CLPB: variants seen among roughly 807,000 people sequenced by gnomAD.
CLPB encodes mitochondrial disaggregase.
A neutral mutation model predicts 78.4 loss-of-function variants in CLPB; 40 were observed. The ratio of observed to expected loss-of-function variants is 0.51; its 90% CI spans 0.40 to 0.66. The LOEUF (loss-of-function observed/expected upper bound fraction) is 0.66, where lower values mean the gene tolerates loss of function less well. Among genes scored for constraint, CLPB ranks in the 30% least tolerant of loss-of-function variants. CLPB has a pLI of 0.00. For synonymous variants in CLPB, 333 were observed against 348.0 expected (o/e 0.96, Z 0.48); for missense variants, 780 against 886.9 (o/e 0.88, Z 1.53).
chr11:72,297,638 TG>T (rs1382363545), intron 11 of CLPB, among the ~76,000 whole-genome samples: 11 of 18,768 alleles, frequency 5.9e-4, no homozygotes, highest in Admixed American at 4.1e-3. Flanking sequence ...GGGGACCAGG[TG>T]TGTGTGTGTG....
chr11:72,298,410 C>T (rs1949596111), intron 11 of CLPB, among the ~76,000 whole-genome samples: 1 of 152,222 alleles, frequency 6.6e-6, no homozygotes, highest in South Asian at 2.1e-4. Flanking sequence ...TTGGTCACGC[C>T]AAGGCCAGGG....
rs1419294141 is a variant in CLPB, at chr11:72,345,970, A to C, written c.775+12910T>G. On this transcript the variant is annotated intron_variant, in intron 5 of 15. Coordinates refer to ENST00000538039, the MANE Select transcript of CLPB (RefSeq NM_001258392.3). The stretch of plus-strand genomic sequence containing the variant: ...GTATTATAGGATTGAGCAAATGAGT[A>C]AATAAATAAATGTATCAACGTTATT... 2.6e-5 allele frequency among the ~76,000 whole-genome samples: 4 copies of C among 152,220 alleles called. No individual in the cohort carries two copies. The East Asian group carries it at 7.7e-4, about 29-fold the overall frequency.
At chr11:72,328,643 A>G (rs746473701) in intron 6 of CLPB, among the ~76,000 whole-genome samples, 6 of 152,238 alleles carry the variant, frequency 3.9e-5, no homozygotes, top group Non-Finnish European at 8.8e-5. Context: ...AAGGTACTTC[A>G]GCCAATTTGT....
chr11:72,319,952 C>G (rs951386754), intron 6 of CLPB, among the ~76,000 whole-genome samples: 8 of 152,322 alleles, frequency 5.3e-5, no homozygotes, highest in Admixed American at 5.2e-4. Flanking sequence ...AAGAGTTACC[C>G]TGGCTCAAGC....
Position 72,414,760 on chromosome 11 carries a change from T to C in CLPB, c.456-11708A>G, listed in dbSNP as rs140547265. 2.2e-3 allele frequency among the ~76,000 whole-genome samples: 337 copies of C among 152,290 alleles called. 2 individuals are homozygous for C. The highest frequency in any genetic ancestry group is 7.7e-3 in the African/African-American group (319 of 41,548). ...GGTGCTCAGAGATGTTTACACAGGC[T>C]CAGGGAGCACAACTCACCGCCTTGC... On this transcript the variant is annotated intron_variant, in intron 2 of 15. Transcript: ENST00000538039.
intron 5 of CLPB, among the ~76,000 whole-genome samples, chr11:72,334,686 C>T (rs752708006): frequency 2.6e-5 from 4 of 152,230 alleles, no homozygotes; most frequent in East Asian, 1.9e-4. Flanking sequence ...AGGGCCCCTT[C>T]GGGCCAAGCA....
At chr11:72,426,790 T>C (rs557163411) in intron 2 of CLPB, among the ~76,000 whole-genome samples, 5 of 152,286 alleles carry the variant, frequency 3.3e-5, no homozygotes, top group South Asian at 2.1e-4. Context: ...CAGTTTCAGA[T>C]GAAATATAGC....
At chr11:72,362,124 C>T (rs1387669111) in intron 4 of CLPB, among the ~76,000 whole-genome samples, 2 of 152,306 alleles carry the variant, frequency 1.3e-5, no homozygotes, top group East Asian at 1.9e-4. Context: ...AAATACTATT[C>T]GACTGCCTGG....
At position 72,403,035 on chromosome 11, in the gene CLPB, G is replaced by T; in HGVS notation, c.473C>A (p.Ala158Glu). ...QEVSRLLSEG[A>E]DVNAKHRLGW... ...AAGTCTGTGCTTTGCATTGACATCTGCACCTTCTGACAACAGCCTAAAACA... is the reference window on the plus strand; with the variant it reads ...AAGTCTGTGCTTTGCATTGACATCTTCACCTTCTGACAACAGCCTAAAACA... The change falls in exon 3 of 16, where the codon GCA becomes GAA. Residue 158 changes from alanine (A) to glutamate (E), a missense_variant. This residue lies in a region of CLPB where 417 missense variants were observed against 414.7 expected (regional missense o/e 1.01). Transcript: ENST00000538039. 6.2e-7 allele frequency: 1 copy of T among 1,613,338 alleles called. No homozygotes were observed. Among genetic ancestry groups the T allele is most frequent in the South Asian group, 1.1e-5 (1 of 91,044 alleles).
intron 5 of CLPB, chr11:72,336,710 T>C (rs1213990177): frequency 5.4e-6 from 1 of 184,274 alleles, no homozygotes; most frequent in Non-Finnish European, 1.1e-5. Context: ...GAAGTTTTGG[T>C]TGAAACTTCT....
At chr11:72,341,747 A>G (rs1176587062) in intron 5 of CLPB, among the ~76,000 whole-genome samples, 1 of 152,214 alleles carries the variant, frequency 6.6e-6, no homozygotes, top group Non-Finnish European at 1.5e-5. Flanking sequence ...ATCCTGAAGC[A>G]AACCATCATC....
At chr11:72,335,452 C>T (rs1950303036) in intron 5 of CLPB, among the ~76,000 whole-genome samples, 1 of 152,214 alleles carries the variant, frequency 6.6e-6, no homozygotes, top group South Asian at 2.1e-4. Flanking sequence ...ATGGCTCTCC[C>T]AGGGGTGTCC....
chr11:72,385,608 A>T (rs1183685116), intron 3 of CLPB, among the ~76,000 whole-genome samples: 1 of 152,182 alleles, frequency 6.6e-6, no homozygotes. Flanking sequence ...GGATCACCTG[A>T]GGTCAGGAGT....
intron 2 of CLPB, among the ~76,000 whole-genome samples, chr11:72,405,482 T>C (rs1410167297): frequency 1.3e-5 from 2 of 152,170 alleles, no homozygotes; most frequent in African/African-American, 4.8e-5. Flanking sequence ...GCAGCCCCCA[T>C]GAAATCAGTA....
intron 2 of CLPB, among the ~76,000 whole-genome samples, chr11:72,422,158 T>C (rs904920453): frequency 2.3e-4 from 34 of 146,138 alleles, no homozygotes; most frequent in African/African-American, 8.3e-4. Flanking sequence ...TCCAGCAACT[T>C]GGGAGGCTGA....
chr11:72,424,755 G>A (rs902004665), intron 2 of CLPB, among the ~76,000 whole-genome samples: 14 of 152,084 alleles, frequency 9.2e-5, no homozygotes, highest in Middle Eastern at 3.2e-3. Context: ...GCGCGTTGGC[G>A]GGCACCTGTA....
chr11:72,301,736 T>A, intron 11 of CLPB, 67 bp downstream of exon 11: 3 of 1,533,150 alleles, frequency 2.0e-6, no homozygotes, highest in Non-Finnish European at 2.7e-6. Flanking sequence ...GCCCTTGCTT[T>A]CTGCTGTTCA....
At chr11:72,400,906 G>A (rs183729577) in intron 3 of CLPB, among the ~76,000 whole-genome samples, 1 of 152,210 alleles carries the variant, frequency 6.6e-6, no homozygotes, top group East Asian at 1.9e-4. Flanking sequence ...ACTATACTAT[G>A]TCTCCTTACC....
At chr11:72,369,111 C>A (rs1348728452) in intron 4 of CLPB, among the ~76,000 whole-genome samples, 2 of 152,190 alleles carry the variant, frequency 1.3e-5, no homozygotes, top group Non-Finnish European at 2.9e-5. Context: ...AGAAGACAGG[C>A]TATTGTCCCT....
Sources: allele counts gnomAD v4.1 joint callset (sites outside exome capture counted in the v4.1 genomes callset), GRCh38; gene constraint gnomAD v4.1.1; regional missense constraint gnomAD v4.1.1; transcripts MANE v1.5; gene names NCBI Gene and HGNC (gene_info 2026-07-23, HGNC 2026-07-21).